The following OSBPL3 variants were observed in gnomAD, a reference collection of about 807,000 sequenced individuals.
OSBPL3 encodes oxysterol binding protein like 3.
OSBPL3 carries 65 observed loss-of-function variants against 120.1 expected under a neutral mutation model. The ratio of observed to expected loss-of-function variants is 0.54; its 90% CI spans 0.44 to 0.67. The LOEUF (loss-of-function observed/expected upper bound fraction) is 0.67, where lower values mean the gene tolerates loss of function less well. Among genes scored for constraint, OSBPL3 ranks in the 30% least tolerant of loss-of-function variants. The pLI is 0.00. For synonymous variants in OSBPL3, 416 were observed against 402.6 expected, an observed-to-expected ratio of 1.03 and a Z score of -0.40; for missense variants, 1,004 against 1,082.1, an observed-to-expected ratio of 0.93 and a Z score of 1.01.
intron 5 of OSBPL3, among the ~76,000 whole-genome samples, chr7:24,870,444 T>A (rs1481269102): frequency 2.0e-5 from 3 of 152,066 alleles, no homozygotes; most frequent in Non-Finnish European, 2.9e-5. Context: ...ACTGCCTGGG[T>A]GGAGATGGTT....
intron 14 of OSBPL3, among the ~76,000 whole-genome samples, chr7:24,838,132 G>A (rs1355576849): frequency 6.6e-6 from 1 of 152,088 alleles, no homozygotes; most frequent in East Asian, 1.9e-4. Flanking sequence ...AAAGAACTAG[G>A]GGACACACAT....
Position 24,979,834 on chromosome 7 carries a change from G to GCCAGGCCCCCCGACAC in OSBPL3, c.-150+36_-150+51dup, listed in dbSNP as rs60896412. Reference sequence around the variant, plus strand: ...GCAGCCCTTCCGAGCCCGCGCCGCCGCCAGGCCCCCCGACACCCAGGCCCC... The same window carrying GCCAGGCCCCCCGACAC: ...GCAGCCCTTCCGAGCCCGCGCCGCCGCCAGGCCCCCCGACACCCAGGCCCCCCGACACCCAGGCCCC... On this transcript the variant is annotated intron_variant, in intron 1 of 22. Transcript: ENST00000313367. The GCCAGGCCCCCCGACAC allele has an allele frequency of 1.2e-3, 837 of 712,980 alleles. 5 individuals are homozygous for GCCAGGCCCCCCGACAC. Among genetic ancestry groups the GCCAGGCCCCCCGACAC allele is most frequent in the East Asian group, 2.1e-3 (14 of 6,772 alleles). The allele number at this position is 712,980 out of a possible 1,614,324, so 44.2% of individuals were successfully genotyped here. A position where few individuals can be genotyped will look rare whatever the true frequency, so the allele number is the denominator to read the frequency against.
intron 12 of OSBPL3, among the ~76,000 whole-genome samples, chr7:24,844,869 A>T (rs565958787): frequency 3.3e-5 from 5 of 152,320 alleles, no homozygotes; most frequent in African/African-American, 1.2e-4. Flanking sequence ...TGGGATAAAC[A>T]GTCTACATAT....
At position 24,815,017 on chromosome 7, in the gene OSBPL3, C is replaced by T. The variant is rs745828337; in HGVS notation, c.2172+42G>A. 2.2e-5 allele frequency: 36 copies of T among 1,600,478 alleles called. No homozygotes were observed. The South Asian group carries it at 3.2e-4, about 14-fold the overall frequency. ...GTGCTCTGGGGCCCTGGCTCTGCCA[C>T]AGCCCTTCCAGGGTCAGAGCTCAGA... On this transcript the variant is annotated intron_variant, in intron 19 of 22. Coordinates refer to ENST00000313367, the MANE Select transcript of OSBPL3 (RefSeq NM_015550.4). The surrounding 1 kb of genome is among the most constrained non-coding windows in gnomAD (Gnocchi z 5.1).
rs1811635659 is a variant in OSBPL3, at chr7:24,930,358, A to G, written c.-149-37737T>C. 6.6e-6 allele frequency among the ~76,000 whole-genome samples: 1 copy of G among 152,250 alleles called. No homozygotes were observed. Among genetic ancestry groups the G allele is most frequent in the Admixed American group, 6.5e-5 (1 of 15,286 alleles). On this transcript the variant is annotated intron_variant, in intron 1 of 22. Coordinates refer to ENST00000313367, the MANE Select transcript of OSBPL3 (RefSeq NM_015550.4). This position sits in a 1 kb window ranked among gnomAD's most constrained non-coding sequence, Gnocchi z 4.4. Reference sequence around the variant, plus strand: ...TTGTTGTCAATTCCTGTCTAAACAAACAAATTTTATACTGCCTATCCAAGA... The same window carrying G: ...TTGTTGTCAATTCCTGTCTAAACAAGCAAATTTTATACTGCCTATCCAAGA...
At chr7:24,847,901 T>C (rs1011382351) in intron 12 of OSBPL3, among the ~76,000 whole-genome samples, 6 of 152,228 alleles carry the variant, frequency 3.9e-5, no homozygotes, top group Non-Finnish European at 7.3e-5. Flanking sequence ...GGTGACAGTT[T>C]AGGTCTGGGC....
chr7:24,935,858 T>C (rs1053586756), intron 1 of OSBPL3, among the ~76,000 whole-genome samples: 6 of 152,090 alleles, frequency 3.9e-5, no homozygotes, highest in African/African-American at 1.4e-4. Flanking sequence ...AAAGGTATGT[T>C]CTGTATATTC....
chr7:24,892,698 G>A (rs1455236463), intron 1 of OSBPL3, 77 bp from the exon 2 acceptor site: 3 of 1,090,178 alleles, frequency 2.8e-6, no homozygotes, highest in East Asian at 3.1e-5. Flanking sequence ...TCTGCAAGTG[G>A]CTTAAACATA....
At chr7:24,919,798 C>A (rs1562927256) in intron 1 of OSBPL3, among the ~76,000 whole-genome samples, 1 of 150,534 alleles carries the variant, frequency 6.6e-6, no homozygotes, top group South Asian at 2.1e-4. Flanking sequence ...AGAACTCTTA[C>A]AACTCAATAA....
intron 10 of OSBPL3, among the ~76,000 whole-genome samples, chr7:24,853,964 T>G (rs1799495946): frequency 6.6e-6 from 1 of 152,168 alleles, no homozygotes; most frequent in Non-Finnish European, 1.5e-5. Flanking sequence ...ACCCTGGCAT[T>G]CAGCTACTCT....
chr7:24,880,828 G>C (rs1299716486), intron 2 of OSBPL3, among the ~76,000 whole-genome samples: 3 of 152,156 alleles, frequency 2.0e-5, no homozygotes, highest in Non-Finnish European at 4.4e-5. Context: ...GTGTGAATGG[G>C]ACTGGGGCCT....
Position 24,968,399 on chromosome 7 carries a change from T to A in OSBPL3, c.-150+11487A>T, listed in dbSNP as rs1293279027. ...GTGTAAACTGGCTTCAGCACACCAG[T>A]TTTTTTGTTTTTTTTGAGTCGGAGT... is the stretch of plus-strand genomic sequence containing the variant. On this transcript the variant is annotated intron_variant, in intron 1 of 22. Transcript: ENST00000313367. This position sits in a 1 kb window ranked among gnomAD's most constrained non-coding sequence, Gnocchi z 4.6. Among the ~76,000 whole-genome samples the A allele has an allele frequency of 6.6e-6, 1 of 152,064 alleles. No individual in the cohort carries two copies. Among genetic ancestry groups the A allele is most frequent in the East Asian group, 1.9e-4 (1 of 5,182 alleles).
At chr7:24,893,096 C>A (rs552856773) in intron 1 of OSBPL3, among the ~76,000 whole-genome samples, 9 of 152,250 alleles carry the variant, frequency 5.9e-5, no homozygotes, top group Admixed American at 5.2e-4. Context: ...ATAGAATTAT[C>A]ATATGATCCA....
rs1326842342 is a variant in OSBPL3 at position 24,912,158 on chromosome 7, G to A, written c.-149-19537C>T. Among the ~76,000 whole-genome samples the A allele has an allele frequency of 1.3e-5, 2 of 152,022 alleles. No individual in the cohort carries two copies. The highest frequency in any genetic ancestry group is 2.1e-4 in the South Asian group (1 of 4,820). ...AAGGTTTTTACTAAATTTTATCTCCGAAGTAAGAAAATATTCTCAAGTATC... is the reference window on the plus strand; with the variant it reads ...AAGGTTTTTACTAAATTTTATCTCCAAAGTAAGAAAATATTCTCAAGTATC... On this transcript the variant is annotated intron_variant, in intron 1 of 22. Transcript: ENST00000313367. This position sits in a 1 kb window ranked among gnomAD's most constrained non-coding sequence, Gnocchi z 4.5.
chr7:24,863,442 A>G lies in OSBPL3; in HGVS notation c.777+54T>C. The G allele has an allele frequency of 3.4e-6, 5 of 1,477,146 alleles. No homozygotes were observed. Among genetic ancestry groups the G allele is most frequent in the African/African-American group, 1.4e-5 (1 of 72,298 alleles). 91.5% of individuals were successfully genotyped at this position (1,477,146 alleles called of 1,614,324 possible). On this transcript the variant is annotated intron_variant, in intron 8 of 22. Coordinates refer to ENST00000313367, the MANE Select transcript of OSBPL3 (RefSeq NM_015550.4). This position sits in a 1 kb window ranked among gnomAD's most constrained non-coding sequence, Gnocchi z 5.8. Reference sequence around the variant, plus strand: ...CCACTGTTAGTGAAAGGCTGGGAGGAGAAAGGAAAGCAGAAGAGGGCCAGA... The same window carrying G: ...CCACTGTTAGTGAAAGGCTGGGAGGGGAAAGGAAAGCAGAAGAGGGCCAGA...
At chr7:24,909,517 T>A (rs376699187) in intron 1 of OSBPL3, among the ~76,000 whole-genome samples, 2 of 152,184 alleles carry the variant, frequency 1.3e-5, no homozygotes, top group Non-Finnish European at 2.9e-5. Context: ...AACAGTTACA[T>A]GAGAGAGAAA....
In OSBPL3 at chr7:24,806,473, T is replaced by C. The variant is rs531483951; in HGVS notation, c.2444+303A>G. Among the ~76,000 whole-genome samples the C allele has an allele frequency of 3.9e-5, 6 of 152,342 alleles. No individual in the cohort carries two copies. Among genetic ancestry groups the C allele is most frequent in the African/African-American group, 1.4e-4 (6 of 41,586 alleles). ...TGAGGGCTCGGGGAGCTGGAGGTTT[T>C]AACTTACTTACTTTACACTAAGTTC... On this transcript the variant is annotated intron_variant, in intron 21 of 22. Coordinates refer to ENST00000313367, the MANE Select transcript of OSBPL3 (RefSeq NM_015550.4). This position sits in a 1 kb window ranked among gnomAD's most constrained non-coding sequence, Gnocchi z 5.2.
rs1376259130 is a variant in OSBPL3, at chr7:24,894,489, G to A, written c.-149-1868C>T. On this transcript the variant is annotated intron_variant, in intron 1 of 22. Coordinates refer to ENST00000313367, the MANE Select transcript of OSBPL3 (RefSeq NM_015550.4). The surrounding 1 kb of genome is among the most constrained non-coding windows in gnomAD (Gnocchi z 4.1). Reference sequence around the variant, plus strand: ...AGTTTGTGGAAAAGCAGTGTTGGCTGTTGCTGTTTGAGAAAGAAAAAAAAA... The same window carrying A: ...AGTTTGTGGAAAAGCAGTGTTGGCTATTGCTGTTTGAGAAAGAAAAAAAAA... 1.6e-5 allele frequency among the ~76,000 whole-genome samples: 2 copies of A among 128,420 alleles called. No individual in the cohort carries two copies. Among genetic ancestry groups the A allele is most frequent in the African/African-American group, 3.0e-5 (1 of 33,688 alleles). The allele number at this position is 128,420 out of a possible 152,430, so 84.2% of individuals were successfully genotyped here. A position where few individuals can be genotyped will look rare whatever the true frequency, so the allele number is the denominator to read the frequency against.
chr7:24,893,754 G>A (rs1458930999), intron 1 of OSBPL3, among the ~76,000 whole-genome samples: 1 of 147,680 alleles, frequency 6.8e-6, no homozygotes, highest in East Asian at 2.1e-4. Context: ...GGGGCGGGGG[G>A]GACGGGGGGG....
Sources: allele counts gnomAD v4.1 joint callset (sites outside exome capture counted in the v4.1 genomes callset), GRCh38; gene constraint gnomAD v4.1.1; non-coding constraint Gnocchi (gnomAD v3.1); transcripts MANE v1.5; gene names NCBI Gene and HGNC (gene_info 2026-07-23, HGNC 2026-07-21).